The following AKAP12 variants were observed in gnomAD, a reference collection of about 807,000 sequenced individuals.
AKAP12 encodes A-kinase anchoring protein 12.
AKAP12 carries 32 observed loss-of-function variants against 79.9 expected under a neutral mutation model. The observed-to-expected ratio is 0.40, with a 90% CI of 0.30 to 0.54. The LOEUF is 0.54. AKAP12 is among the 20% of genes least tolerant of loss of function. AKAP12 has a pLI of 0.48. For missense variants in AKAP12, 2,074 were observed against 2,177.0 expected (o/e 0.95, Z 0.94); for synonymous variants, 808 against 857.0 (o/e 0.94, Z 1.00).
chr6:151,286,844 A>G (rs886291484), intron 2 of AKAP12, among the ~76,000 whole-genome samples: 2 of 152,234 alleles, frequency 1.3e-5, no homozygotes, highest in Non-Finnish European at 2.9e-5. Flanking sequence ...ACAAAACAAA[A>G]CAAGTCAGGT....
rs1778285957 is a variant in AKAP12, at chr6:151,351,389, A to C, written c.2998A>C (p.Thr1000Pro). The C allele has an allele frequency of 6.2e-7, 1 of 1,614,232 alleles. No individual in the cohort carries two copies. Among genetic ancestry groups the C allele is most frequent in the African/African-American group, 1.3e-5 (1 of 75,058 alleles). Residue 1000 changes from threonine (T) to proline (P), a missense_variant, in exon 4 of 5, where the codon ACA (threonine) becomes CCA (proline). Physicochemically the swap from Thr to Pro is conservative, Grantham distance 38. Around this residue, in one of 3 missense-constraint regions of AKAP12, gnomAD observed 1,428 missense variants for 1,451.0 expected, o/e 0.98. Transcript: ENST00000402676. The surrounding 1 kb of genome is among the most constrained non-coding windows in gnomAD (Gnocchi z 4.4). ...GTEASAAEET[T>P]EMVSAVSQLT... ...CGAAGCATCTGCTGCTGAAGAGACC[A>C]CAGAAATGGTGTCAGCAGTCTCCCA...
At chr6:151,285,597 A>G (rs189322593) in intron 2 of AKAP12, among the ~76,000 whole-genome samples, 72 of 152,316 alleles carry the variant, frequency 4.7e-4, no homozygotes, top group African/African-American at 1.0e-3. Flanking sequence ...GGGTTAAAAA[A>G]AAAAATCAAT....
chr6:151,320,947 A>G (rs544473713), intron 3 of AKAP12, among the ~76,000 whole-genome samples: 8 of 152,026 alleles, frequency 5.3e-5, no homozygotes, highest in African/African-American at 1.9e-4. Context: ...AGAGTTGTAT[A>G]ACCACCCCCA....
chr6:151,351,310 C>A lies in AKAP12; in HGVS notation c.2919C>A (p.Pro973=), dbSNP rs758828723. ...TCGTTAGTGAGGCGGAATTGACCCC[C>A]GAAGCTGTGACAGCTGCAGAAACTG... The part of the protein sequence containing the change: ...DTVVSEAELT[P]EAVTAAETAG... Residue 973 remains proline, a synonymous_variant, in exon 4 of 5, where the codon CCC becomes CCA. Coordinates refer to ENST00000402676, the MANE Select transcript of AKAP12 (RefSeq NM_005100.4). This position sits in a 1 kb window ranked among gnomAD's most constrained non-coding sequence, Gnocchi z 4.4. 1 of 1,614,088 alleles carries A rather than the reference C, an allele frequency of 6.2e-7. No individual in the cohort carries two copies. The highest frequency in any genetic ancestry group is 8.5e-7 in the Non-Finnish European group (1 of 1,180,046).
chr6:151,296,226 CT>C (rs1487562421), intron 2 of AKAP12, among the ~76,000 whole-genome samples: 3 of 152,156 alleles, frequency 2.0e-5, no homozygotes, highest in Non-Finnish European at 4.4e-5. Flanking sequence ...TTAGAGATCA[CT>C]ACAATCATGC....
intron 3 of AKAP12, among the ~76,000 whole-genome samples, chr6:151,337,512 G>GAAAAAAA (rs565900855): frequency 6.6e-4 from 67 of 101,804 alleles, no homozygotes; most frequent in African/African-American, 3.0e-3. Flanking sequence ...TTTCCGTCTC[G>GAAAAAAA]AAAAAAAAAA....
intron 3 of AKAP12, among the ~76,000 whole-genome samples, chr6:151,332,320 G>C (rs965546811): frequency 2.8e-4 from 43 of 152,250 alleles, no homozygotes; most frequent in African/African-American, 7.7e-4. Flanking sequence ...ACAGACGTGA[G>C]CCACCGCGCC....
At position 151,352,263 on chromosome 6, in the gene AKAP12, G is replaced by A; in HGVS notation, c.3872G>A (p.Gly1291Asp). The change falls in exon 4 of 5, where the codon GGC becomes GAC. Residue 1291 changes from glycine (G) to aspartate (D), a missense_variant. Around this residue, in one of 3 missense-constraint regions of AKAP12, gnomAD observed 614 missense variants for 665.6 expected, o/e 0.92. Coordinates refer to ENST00000402676, the MANE Select transcript of AKAP12 (RefSeq NM_005100.4). ...FEGLEGSIDT[G>D]ITVSREKVTE... ...GGACTTGAGGGGTCTATAGACACAG[G>A]CATAACAGTCAGTCGGGAAAAGGTC... 6.2e-7 allele frequency: 1 copy of A among 1,614,180 alleles called. No homozygotes were observed. The highest frequency in any genetic ancestry group is 8.5e-7 in the Non-Finnish European group (1 of 1,180,036).
At chr6:151,274,366 A>C (rs1247469042) in intron 2 of AKAP12, among the ~76,000 whole-genome samples, 9 of 152,170 alleles carry the variant, frequency 5.9e-5, no homozygotes, top group Non-Finnish European at 4.4e-5. Context: ...GGCGTGAGCC[A>C]CTGCACCCGG....
intron 2 of AKAP12, among the ~76,000 whole-genome samples, chr6:151,270,778 T>C (rs1776164798): frequency 6.6e-6 from 1 of 152,140 alleles, no homozygotes; most frequent in South Asian, 2.1e-4. Flanking sequence ...TGATAGCTAA[T>C]TGTGTGGATC....
chr6:151,351,991 C>T lies in AKAP12; in HGVS notation c.3600C>T (p.Val1200=), dbSNP rs199678995. 84 of 1,613,902 alleles carry T rather than the reference C, an allele frequency of 5.2e-5. No individual in the cohort carries two copies. The highest frequency in any genetic ancestry group is 1.6e-4 in the Middle Eastern group (1 of 6,084). Residue 1200 remains valine, a synonymous_variant, in exon 4 of 5, where the codon GTC becomes GTT. Transcript: ENST00000402676. This position sits in a 1 kb window ranked among gnomAD's most constrained non-coding sequence, Gnocchi z 4.4. The stretch of plus-strand genomic sequence containing the variant: ...TGGAAATCCATGAGGAGAATGAGGT[C>T]GCATCTGGTACCCAGTCAGGGGGCA... ...EIVEIHEENE[V]ASGTQSGGTE...
At chr6:151,342,555 C>G (rs886178386) in intron 3 of AKAP12, among the ~76,000 whole-genome samples, 2 of 152,150 alleles carry the variant, frequency 1.3e-5, no homozygotes, top group Non-Finnish European at 2.9e-5. Context: ...CGAAATCAGG[C>G]TGAAGCACAA....
chr6:151,248,768 T>G (rs1582830938), intron 2 of AKAP12, among the ~76,000 whole-genome samples: 1 of 152,100 alleles, frequency 6.6e-6, no homozygotes, highest in South Asian at 2.1e-4. Flanking sequence ...GGCGGGCGGA[T>G]CACGAGGTCA....
At position 151,349,981 on chromosome 6, in the gene AKAP12, A is replaced by G. The variant is rs746263010; in HGVS notation, c.1590A>G (p.Gly530=). 7.2e-5 allele frequency: 117 copies of G among 1,614,000 alleles called. No individual in the cohort carries two copies. The highest frequency in any genetic ancestry group is 1.2e-4 in the Admixed American group (7 of 59,982). The change falls in exon 4 of 5, where the codon GGA becomes GGG. Residue 530 remains glycine, a synonymous_variant. Transcript: ENST00000402676. ...FTSTGLKKLS[G]KKQKGKRGGG... is the part of the protein sequence containing the mutation. ...GCACTGGCTTAAAAAAGCTTTCTGG[A>G]AAGAAACAGAAAGGGAAAAGAGGAG...
chr6:151,287,374 C>A (rs1019095907), intron 2 of AKAP12, among the ~76,000 whole-genome samples: 1 of 152,112 alleles, frequency 6.6e-6, no homozygotes, highest in African/African-American at 2.4e-5. Flanking sequence ...GATCCTCCCA[C>A]CTTAGCCTCC....
At chr6:151,253,188 C>T (rs1797219756) in intron 2 of AKAP12, among the ~76,000 whole-genome samples, 1 of 152,074 alleles carries the variant, frequency 6.6e-6, no homozygotes, top group Non-Finnish European at 1.5e-5. Context: ...TTTCTTCACT[C>T]TGTAAAGTAT....
intron 3 of AKAP12, chr6:151,324,006 G>GC (rs1341697077): frequency 4.1e-6 from 4 of 985,292 alleles, no homozygotes; most frequent in Non-Finnish European, 4.8e-6. Flanking sequence ...GATTTGCACA[G>GC]CCAGGACACT....
rs187464607 is a variant in AKAP12 at position 151,287,417 on chromosome 6, C to T, written c.163-18330C>T. On this transcript the variant is annotated intron_variant, in intron 2 of 4. Transcript: ENST00000402676. ...CTGGGACCACAGACACAAGTCAGCA[C>T]GCCCAGCCAATTTTTGCATTTTTTG... Among the ~76,000 whole-genome samples the T allele has an allele frequency of 2.0e-4, 31 of 152,148 alleles. No individual in the cohort carries two copies. The South Asian group carries it at 5.6e-3, about 28-fold the overall frequency.
At chr6:151,354,563 T>TG (rs1327900551) in intron 4 of AKAP12, among the ~76,000 whole-genome samples, 5 of 150,618 alleles carry the variant, frequency 3.3e-5, no homozygotes, top group African/African-American at 7.3e-5. Context: ...TTAGTAGAGA[T>TG]GGGTTTTCAC....
Sources: allele counts gnomAD v4.1 joint callset (sites outside exome capture counted in the v4.1 genomes callset), GRCh38; gene constraint gnomAD v4.1.1; regional missense constraint gnomAD v4.1.1; non-coding constraint Gnocchi (gnomAD v3.1); transcripts MANE v1.5; gene names NCBI Gene and HGNC (gene_info 2026-07-23, HGNC 2026-07-21).